Variants in DSG4 observed in about 807,000 individuals in gnomAD.
The protein encoded by DSG4 is desmoglein-4.
DSG4 carries 87 observed loss-of-function variants against 93.1 expected under a neutral mutation model. The ratio of observed to expected loss-of-function variants is 0.93; its 90% CI spans 0.79 to 1.12. The LOEUF (loss-of-function observed/expected upper bound fraction) is 1.12, where lower values mean the gene tolerates loss of function less well. Among genes scored for constraint, DSG4 ranks in the 50% most tolerant of loss-of-function variants. DSG4 has a pLI of 0.00. For synonymous variants in DSG4, 432 were observed against 452.9 expected (o/e 0.95, Z 0.59); for missense variants, 1,373 against 1,285.7 (o/e 1.07, Z -1.04).
chr18:31,388,992 C>A lies in DSG4; in HGVS notation c.491C>A (p.Ala164Asp). The change falls in exon 5 of 16, where the codon GCC becomes GAC. Residue 164 changes from alanine to aspartate, a missense_variant. Transcript: ENST00000308128. Reference sequence around the variant, plus strand: ...GTCTTTTCGCAAAGTGTATACACAGCCAGCATTGAAGAAAATAGTGATGCC... The same window carrying A: ...GTCTTTTCGCAAAGTGTATACACAGACAGCATTGAAGAAAATAGTGATGCC... Reference protein sequence around the residue: ...APVFSQSVYTASIEENSDANT... With the variant: ...APVFSQSVYTDSIEENSDANT... The A allele has an allele frequency of 6.2e-7, 1 of 1,613,252 alleles. No individual in the cohort carries two copies. Among genetic ancestry groups the A allele is most frequent in the Non-Finnish European group, 8.5e-7 (1 of 1,179,470 alleles).
rs372851185 is a variant in DSG4, at chr18:31,413,640, A to G, written c.*45A>G. The G allele has an allele frequency of 1.9e-6, 3 of 1,599,200 alleles. No individual in the cohort carries two copies. Among genetic ancestry groups the G allele is most frequent in the Non-Finnish European group, 2.6e-6 (3 of 1,173,928 alleles). ...CTATGTGGAGACCTTGCACCTTGTA[A>G]TCATCAATACATCCACCAAAAATAT... On this transcript the variant is annotated 3_prime_UTR_variant, in exon 16 of 16. Coordinates refer to ENST00000308128, the MANE Select transcript of DSG4 (RefSeq NM_177986.5).
At chr18:31,408,811 C>T (rs2072454738) in intron 12 of DSG4, among the ~76,000 whole-genome samples, 1 of 152,156 alleles carries the variant, frequency 6.6e-6, no homozygotes, top group Non-Finnish European at 1.5e-5. Flanking sequence ...TCTTAGAAAA[C>T]TTAAGCAGTG....
In DSG4 at chr18:31,405,501, C is replaced by T. The variant is rs530070594; in HGVS notation, c.1637-576C>T. ...TGCTCTGGAAAGATGCAGCAAGGTC[C>T]TTGCCTGCATTATAGAAGTAGCAAT... On this transcript the variant is annotated intron_variant, in intron 11 of 15. Transcript: ENST00000308128. Among the ~76,000 whole-genome samples the T allele has an allele frequency of 1.9e-4, 29 of 152,048 alleles. 1 individual carries two copies. In the South Asian group the frequency reaches 5.8e-3, roughly 30 times the overall value.
At chr18:31,401,065 A>T in intron 10 of DSG4, 45 bp downstream of exon 10, 1 of 1,433,848 alleles carries the variant, frequency 7.0e-7, no homozygotes, top group South Asian at 1.3e-5. Flanking sequence ...TAGTACTATT[A>T]TATTAAATAT....
At chr18:31,407,400 G>A (rs549258746) in intron 12 of DSG4, among the ~76,000 whole-genome samples, 79 of 152,272 alleles carry the variant, frequency 5.2e-4, no homozygotes, top group African/African-American at 1.7e-3. Context: ...CCTAAACTAA[G>A]ACTGGTCACA....
intron 2 of DSG4, among the ~76,000 whole-genome samples, chr18:31,385,960 C>T (rs1275804192): frequency 6.6e-6 from 1 of 152,086 alleles, no homozygotes; most frequent in Non-Finnish European, 1.5e-5. Context: ...TACAAATAGG[C>T]TTGCACATGT....
At chr18:31,390,375 C>T (rs1226197093) in intron 5 of DSG4, among the ~76,000 whole-genome samples, 1 of 152,094 alleles carries the variant, frequency 6.6e-6, no homozygotes, top group East Asian at 1.9e-4. Flanking sequence ...ATCTATTGAA[C>T]TTCTTTTTCG....
chr18:31,377,109 A>T lies in DSG4; in HGVS notation c.48+150A>T, dbSNP rs10502570. The T allele has an allele frequency of 0.059, 52,482 of 894,358 alleles. 1,958 individuals carry two copies. Among genetic ancestry groups the T allele is most frequent in the Admixed American group, 0.1 (4,767 of 46,342 alleles). 55.4% of individuals were successfully genotyped at this position (894,358 alleles called of 1,614,324 possible). On this transcript the variant is annotated intron_variant, in intron 1 of 15. Coordinates refer to ENST00000308128, the MANE Select transcript of DSG4 (RefSeq NM_177986.5). ...AGTCCAGCCTCTGTTAATTTCAAAC[A>T]ACTCTCTCCGCCTTGAGGAACAAAA...
At position 31,414,758 on chromosome 18, in the gene DSG4, C is replaced by A. The variant is rs189035887; in HGVS notation, c.*1163C>A. The A allele has an allele frequency of 1.9e-3, 285 of 152,288 alleles. 1 individual carries two copies. The highest frequency in any genetic ancestry group is 6.2e-3 in the African/African-American group (258 of 41,576). 9.4% of individuals were successfully genotyped at this position (152,288 alleles called of 1,614,324 possible). A position where few individuals can be genotyped will look rare whatever the true frequency, so the allele number is the denominator to read the frequency against. On this transcript the variant is annotated 3_prime_UTR_variant, in exon 16 of 16. Coordinates refer to ENST00000308128, the MANE Select transcript of DSG4 (RefSeq NM_177986.5). ...AAATGGAAACACATTGCTTACTTTT[C>A]GTAGGCATAAAGCTGACTTGAGAAA...
Position 31,414,334 on chromosome 18 carries a change from T to C in DSG4, c.*739T>C, listed in dbSNP as rs1040709620. 3.3e-5 allele frequency: 5 copies of C among 152,128 alleles called. No individual in the cohort carries two copies. The highest frequency in any genetic ancestry group is 7.4e-5 in the Non-Finnish European group (5 of 68,008). 9.4% of individuals were successfully genotyped at this position (152,128 alleles called of 1,614,324 possible). A position where few individuals can be genotyped will look rare whatever the true frequency, so the allele number is the denominator to read the frequency against. On this transcript the variant is annotated 3_prime_UTR_variant, in exon 16 of 16. Coordinates refer to ENST00000308128, the MANE Select transcript of DSG4 (RefSeq NM_177986.5). ...AGTAGAAAGAGTTATTGGGGAAATA[T>C]TAGAGTTTTCCCCACTTACAGGGAA...
chr18:31,399,854 G>A (rs764050401), intron 9 of DSG4, among the ~76,000 whole-genome samples: 4 of 152,080 alleles, frequency 2.6e-5, no homozygotes, highest in African/African-American at 7.2e-5. Flanking sequence ...CCTGGACCGG[G>A]GCTGATTAAG....
In DSG4 at chr18:31,403,328, C is replaced by G. The variant is rs2072389072; in HGVS notation, c.1418-88C>G. 4.4e-6 allele frequency: 5 copies of G among 1,129,100 alleles called. No homozygotes were observed. The East Asian group carries it at 1.3e-4, about 29-fold the overall frequency. 69.9% of individuals were successfully genotyped at this position (1,129,100 alleles called of 1,614,324 possible). A position where few individuals can be genotyped will look rare whatever the true frequency, so the allele number is the denominator to read the frequency against. On this transcript the variant is annotated intron_variant, in intron 10 of 15. Transcript: ENST00000308128. ...TCCCAAGTCACGTATATGTTTCCTA[C>G]AAGTTCCATGGCATCATCAGGGGAT...
At chr18:31,379,863 T>C (rs1254998249) in intron 1 of DSG4, among the ~76,000 whole-genome samples, 1 of 152,200 alleles carries the variant, frequency 6.6e-6, no homozygotes, top group African/African-American at 2.4e-5. Context: ...AAACACCTTA[T>C]CCTATTTGGC....
chr18:31,411,371 A>G lies in DSG4; in HGVS notation c.2278A>G (p.Ser760Gly), dbSNP rs777567076. ...AGCCTCAGGGGCCGCAAGGAAGAGG[A>G]GCTCTACCATGGGAACCCTGCGGGA... is the stretch of plus-strand genomic sequence containing the variant. ...AGASGAARKR[S>G]STMGTLRDYA... The change falls in exon 15 of 16, where the codon AGC becomes GGC. Residue 760 changes from serine (S) to glycine (G), a missense_variant. Transcript: ENST00000308128. The G allele has an allele frequency of 1.9e-6, 3 of 1,613,844 alleles. No individual in the cohort carries two copies. The Admixed American group carries it at 5.0e-5, about 27-fold the overall frequency.
intron 2 of DSG4, 63 bp downstream of exon 2, chr18:31,385,234 T>C: frequency 8.8e-7 from 1 of 1,130,328 alleles, no homozygotes; most frequent in Admixed American, 2.2e-5. Flanking sequence ...TTTTGTAATG[T>C]ATTATATATA....
In DSG4 at chr18:31,411,033, T is replaced by A. The variant is rs887732654; in HGVS notation, c.2138-198T>A. On this transcript the variant is annotated intron_variant, in intron 14 of 15. Coordinates refer to ENST00000308128, the MANE Select transcript of DSG4 (RefSeq NM_177986.5). ...AGGCCACGTCCCACCACTGACTCCC[T>A]CTGTGTAATTAATTTACTTTTATTT... The A allele has an allele frequency of 3.4e-6, 5 of 1,471,344 alleles. No homozygotes were observed. In the African/African-American group the frequency reaches 7.0e-5, roughly 21 times the overall value. The allele number at this position is 1,471,344 out of a possible 1,614,324, so 91.1% of individuals were successfully genotyped here.
At chr18:31,387,366 A>T (rs531699024) in intron 3 of DSG4, among the ~76,000 whole-genome samples, 3 of 152,276 alleles carry the variant, frequency 2.0e-5, no homozygotes, top group East Asian at 3.9e-4. Context: ...CTCTTTCTGG[A>T]CATCTTGATC....
At position 31,403,646 on chromosome 18, in the gene DSG4, G is replaced by A. The variant is rs375850397; in HGVS notation, c.1636+12G>A. On this transcript the variant is annotated intron_variant, in intron 11 of 15. Coordinates refer to ENST00000308128, the MANE Select transcript of DSG4 (RefSeq NM_177986.5). ...CAGATCAACAAATGGTAAGTGAAAC[G>A]TAAGCTTGTTTTTTGGACTTTAAGT... 148 of 1,613,382 alleles carry A rather than the reference G, an allele frequency of 9.2e-5. No individual in the cohort carries two copies. The highest frequency in any genetic ancestry group is 6.7e-4 in the Admixed American group (40 of 59,972).
chr18:31,377,095 T>C, intron 1 of DSG4, 136 bp downstream of exon 1: 1 of 998,860 alleles, frequency 1.0e-6, no homozygotes, highest in Admixed American at 2.1e-5. Flanking sequence ...GTCCAGCCTC[T>C]GTTAATTTCA....
Sources: allele counts gnomAD v4.1 joint callset (sites outside exome capture counted in the v4.1 genomes callset), GRCh38; gene constraint gnomAD v4.1.1; transcripts MANE v1.5; gene names NCBI Gene and HGNC (gene_info 2026-07-23, HGNC 2026-07-21).